Variants in HHLA1 observed in about 807,000 individuals in gnomAD.
HHLA1 encodes HERV-H LTR-associating protein 1.
Under a neutral mutation model 69.9 loss-of-function variants are expected in HHLA1, and 72 were observed. The ratio of observed to expected loss-of-function variants is 1.03; its 90% CI spans 0.85 to 1.25. HHLA1 has a LOEUF of 1.25. Among genes scored for constraint, HHLA1 ranks in the 50% most tolerant of loss-of-function variants. HHLA1 has a pLI of 0.00. For missense variants in HHLA1, 685 were observed against 642.2 expected (o/e 1.07, Z -0.72); for synonymous variants, 252 against 233.2 (o/e 1.08, Z -0.73).
intron 14 of HHLA1, among the ~76,000 whole-genome samples, chr8:132,075,815 TA>T (rs970777044): frequency 2.0e-5 from 3 of 152,158 alleles, no homozygotes; most frequent in East Asian, 1.9e-4. Flanking sequence ...GTGGGAAAGA[TA>T]AAAAAACAGG....
intron 10 of HHLA1, among the ~76,000 whole-genome samples, chr8:132,083,762 A>T (rs1823805514): frequency 6.6e-6 from 1 of 152,026 alleles, no homozygotes; most frequent in African/African-American, 2.4e-5. Context: ...GGGCGTTTGG[A>T]AGTTCTTGTG....
At chr8:132,071,114 C>T (rs765419086) in intron 15 of HHLA1, among the ~76,000 whole-genome samples, 1 of 152,204 alleles carries the variant, frequency 6.6e-6, no homozygotes, top group Non-Finnish European at 1.5e-5. Flanking sequence ...GTGTCAGGCA[C>T]TGCACTTGGT....
chr8:132,107,941 C>T (rs2130903301), intron 1 of HHLA1, among the ~76,000 whole-genome samples: 1 of 152,330 alleles, frequency 6.6e-6, no homozygotes, highest in East Asian at 1.9e-4. Context: ...CTGGACCACT[C>T]TGGGACAGTC....
chr8:132,106,547 A>G (rs1824204781), intron 1 of HHLA1, among the ~76,000 whole-genome samples: 1 of 152,228 alleles, frequency 6.6e-6, no homozygotes, highest in South Asian at 2.1e-4. Flanking sequence ...GAACTCTCAC[A>G]GGGTCTTTGT....
At chr8:132,076,009 T>C in intron 14 of HHLA1, 46 bp downstream of exon 14, 1 of 1,380,856 alleles carries the variant, frequency 7.2e-7, no homozygotes, top group Non-Finnish European at 1.0e-6. Flanking sequence ...ATGACCTTGT[T>C]CAAAATAAAC....
chr8:132,098,782 C>A, intron 5 of HHLA1, 100 bp downstream of exon 5: 2 of 697,142 alleles, frequency 2.9e-6, no homozygotes. Flanking sequence ...AACTGACACA[C>A]AGAAGTGAAG....
intron 11 of HHLA1, among the ~76,000 whole-genome samples, chr8:132,079,070 C>T (rs1823694875): frequency 1.3e-5 from 2 of 152,312 alleles, no homozygotes; most frequent in Middle Eastern, 3.4e-3. Context: ...CCCTAATGAG[C>T]TACCTCCATT....
chr8:132,086,183 TC>T (rs1202620969), intron 10 of HHLA1, among the ~76,000 whole-genome samples: 3 of 152,120 alleles, frequency 2.0e-5, no homozygotes, highest in African/African-American at 7.2e-5. Context: ...CTTTATATCT[TC>T]CCTAGGGAAG....
chr8:132,074,978 G>T (rs978577455), intron 14 of HHLA1, among the ~76,000 whole-genome samples: 3 of 152,156 alleles, frequency 2.0e-5, no homozygotes, highest in East Asian at 1.9e-4. Flanking sequence ...TACAGATATA[G>T]ATATAGATAT....
intron 3 of HHLA1, among the ~76,000 whole-genome samples, chr8:132,100,637 C>T (rs924717056): frequency 2.6e-5 from 4 of 152,176 alleles, no homozygotes; most frequent in African/African-American, 9.7e-5. Context: ...AACAAATATT[C>T]ACTGAGGGCC....
Position 132,063,800 on chromosome 8 carries a change from T to C in HHLA1, c.*195A>G. On this transcript the variant is annotated 3_prime_UTR_variant, in exon 17 of 17. Transcript: ENST00000414222. ...GTGAGGCCTCTAACAAGAAAACTTC[T>C]ACCTTCAATGTTTTGCACAGATTCA... The C allele has an allele frequency of 9.5e-6, 2 of 210,172 alleles. No homozygotes were observed. Among genetic ancestry groups the C allele is most frequent in the Admixed American group, 9.6e-5 (2 of 20,822 alleles). 13.0% of individuals were successfully genotyped at this position (210,172 alleles called of 1,614,324 possible).
At position 132,105,304 on chromosome 8, in the gene HHLA1, A is replaced by C; in HGVS notation, c.-21-18T>G. The C allele has an allele frequency of 6.8e-7, 1 of 1,477,282 alleles. No homozygotes were observed. The highest frequency in any genetic ancestry group is 9.3e-7 in the Non-Finnish European group (1 of 1,078,838). 91.5% of individuals were successfully genotyped at this position (1,477,282 alleles called of 1,614,324 possible). A position where few individuals can be genotyped will look rare whatever the true frequency, so the allele number is the denominator to read the frequency against. The stretch of plus-strand genomic sequence containing the variant: ...TGGCCCACCTGGAATGAAGCAAGCA[A>C]ACACTTAGGAAACTAAGCACATGGA... On this transcript the variant is annotated intron_variant, in intron 1 of 16. Coordinates refer to ENST00000414222, the MANE Select transcript of HHLA1 (RefSeq NM_001145095.3).
intron 5 of HHLA1, 106 bp downstream of exon 5, chr8:132,098,776 G>T: frequency 1.5e-6 from 1 of 679,128 alleles, no homozygotes; most frequent in South Asian, 1.8e-5. Context: ...CCGAGAAACT[G>T]ACACACAGAA....
At chr8:132,089,430 G>T (rs1485204453) in intron 8 of HHLA1, 86 bp downstream of exon 8, 6 of 752,776 alleles carry the variant, frequency 8.0e-6, no homozygotes, top group Non-Finnish European at 1.2e-5. Context: ...AGCAGGGGTT[G>T]GGGTGAGGAA....
At chr8:132,096,512 A>T (rs1023530825) in intron 5 of HHLA1, among the ~76,000 whole-genome samples, 1 of 151,774 alleles carries the variant, frequency 6.6e-6, no homozygotes, top group Admixed American at 6.6e-5. Context: ...AAGAAAGGGG[A>T]TTTTTTTTTA....
chr8:132,103,721 A>G (rs1018915862), intron 3 of HHLA1, among the ~76,000 whole-genome samples: 5 of 152,212 alleles, frequency 3.3e-5, no homozygotes, highest in African/African-American at 1.2e-4. Context: ...GTTTACTAAA[A>G]TTTAGAAACC....
chr8:132,069,300 C>T (rs531242086), intron 15 of HHLA1, among the ~76,000 whole-genome samples: 1 of 152,312 alleles, frequency 6.6e-6, no homozygotes, highest in African/African-American at 2.4e-5. Flanking sequence ...TCTGCTACAG[C>T]ACTTGTCAGC....
intron 11 of HHLA1, 92 bp from the exon 12 acceptor site, chr8:132,078,063 A>T: frequency 1.5e-6 from 2 of 1,374,406 alleles, no homozygotes; most frequent in Non-Finnish European, 2.0e-6. Flanking sequence ...ACGTTATCAA[A>T]GGGCAAATGC....
chr8:132,106,119 A>G (rs907058974), intron 1 of HHLA1, among the ~76,000 whole-genome samples: 2 of 152,216 alleles, frequency 1.3e-5, no homozygotes, highest in African/African-American at 2.4e-5. Flanking sequence ...ATGTAATGAC[A>G]ATTTAAATAC....
Sources: gnomAD v4.1 joint callset for allele counts (sites outside exome capture counted in the v4.1 genomes callset) on GRCh38, gnomAD v4.1.1 for gene constraint, MANE v1.5 for transcripts, NCBI Gene and HGNC (gene_info 2026-07-23, HGNC 2026-07-21) for gene names.